Variants in ATP8A2 observed in about 807,000 individuals in gnomAD.
ATP8A2 encodes phospholipid-transporting ATPase IB.
A neutral mutation model predicts 165.6 loss-of-function variants in ATP8A2; 100 were observed. The observed-to-expected ratio is 0.60, with a 90% CI of 0.51 to 0.71. The LOEUF (loss-of-function observed/expected upper bound fraction) is 0.71, where lower values mean the gene tolerates loss of function less well. Among genes scored for constraint, ATP8A2 ranks in the 30% least tolerant of loss-of-function variants. The probability of loss-of-function intolerance (pLI) is 0.00; values close to 1 mark genes in which losing one functional copy is unlikely to be tolerated. For missense variants in ATP8A2, 1,227 were observed against 1,479.5 expected (o/e 0.83, Z 2.80); for synonymous variants, 543 against 548.8 (o/e 0.99, Z 0.15).
At chr13:25,651,296 A>G (rs566691607) in intron 24 of ATP8A2, among the ~76,000 whole-genome samples, 55 of 152,256 alleles carry the variant, frequency 3.6e-4, no homozygotes, top group African/African-American at 1.3e-3. Context: ...TACAAAAATT[A>G]GCTGGTCGTG....
intron 24 of ATP8A2, among the ~76,000 whole-genome samples, chr13:25,608,481 T>C (rs959896487): frequency 7.9e-6 from 1 of 126,932 alleles, no homozygotes; most frequent in Non-Finnish European, 1.8e-5. Context: ...AAATCTCAGC[T>C]ATACATTTAA....
chr13:25,556,608 CT>C (rs2038989594), intron 13 of ATP8A2, among the ~76,000 whole-genome samples: 1 of 152,098 alleles, frequency 6.6e-6, no homozygotes, highest in African/African-American at 2.4e-5. Flanking sequence ...TCCAGAAGCT[CT>C]TTAGTTTAAT....
At chr13:25,463,124 G>GTTTTTTTT (rs150498785) in intron 1 of ATP8A2, among the ~76,000 whole-genome samples, 1 of 127,580 alleles carries the variant, frequency 7.8e-6, no homozygotes, top group Non-Finnish European at 1.7e-5. Context: ...TCTTTCTGAA[G>GTTTTTTTT]TGTTTTTTTT....
rs2032779818 is a variant in ATP8A2, at chr13:25,379,979, G to T, written c.76+7691G>T. 1.3e-5 allele frequency among the ~76,000 whole-genome samples: 2 copies of T among 152,166 alleles called. 1 individual carries two copies. The highest frequency in any genetic ancestry group is 4.1e-4 in the South Asian group (2 of 4,822). ...TTTGGGCAAATTTTCTGGAAGGGAA[G>T]ACACCAGCGTGGGCAGGCAACTGAG... On this transcript the variant is annotated intron_variant, in intron 1 of 36. Transcript: ENST00000381655.
At chr13:25,784,852 G>T (rs1336722471) in intron 27 of ATP8A2, among the ~76,000 whole-genome samples, 2 of 151,816 alleles carry the variant, frequency 1.3e-5, no homozygotes, top group Non-Finnish European at 2.9e-5. Context: ...TGCAACCTCT[G>T]CCTCCTGGGT....
At chr13:25,714,095 G>T (rs981907004) in intron 25 of ATP8A2, among the ~76,000 whole-genome samples, 1 of 151,840 alleles carries the variant, frequency 6.6e-6, no homozygotes, top group Non-Finnish European at 1.5e-5. Flanking sequence ...TGTTCAAAAA[G>T]AAGCTGTATC....
In ATP8A2 at chr13:25,616,874, A is replaced by G. The variant is rs189522770; in HGVS notation, c.2211+27175A>G. Among the ~76,000 whole-genome samples the G allele has an allele frequency of 3.9e-4, 59 of 152,246 alleles. 1 individual carries two copies. The highest frequency in any genetic ancestry group is 1.4e-3 in the African/African-American group (57 of 41,540). On this transcript the variant is annotated intron_variant, in intron 24 of 36. Transcript: ENST00000381655. Reference sequence around the variant, plus strand: ...GACTGGTGCATGTGGCTCCCATTGAATATAATAACAGCCCTTTGACACGTG... The same window carrying G: ...GACTGGTGCATGTGGCTCCCATTGAGTATAATAACAGCCCTTTGACACGTG...
At chr13:25,853,396 A>AATATATATAT (rs1555278503) in intron 30 of ATP8A2, among the ~76,000 whole-genome samples, 34 of 107,848 alleles carry the variant, frequency 3.2e-4, no homozygotes, top group South Asian at 8.7e-4. Flanking sequence ...ATCTAAAAAA[A>AATATATATAT]ATATATATAT....
chr13:25,581,411 T>C (rs2039773956), intron 22 of ATP8A2, among the ~76,000 whole-genome samples: 1 of 152,226 alleles, frequency 6.6e-6, no homozygotes. Context: ...GGTCTCTTAC[T>C]CCTATTTTGC....
chr13:25,460,057 C>G (rs567689095), intron 1 of ATP8A2, among the ~76,000 whole-genome samples: 1 of 152,012 alleles, frequency 6.6e-6, no homozygotes, highest in Non-Finnish European at 1.5e-5. Context: ...AAAAATTAGC[C>G]GGGCATGATG....
intron 27 of ATP8A2, among the ~76,000 whole-genome samples, chr13:25,816,098 G>T (rs1951012184): frequency 6.6e-6 from 1 of 152,058 alleles, no homozygotes; most frequent in African/African-American, 2.4e-5. Context: ...ATGGTGATGG[G>T]TACACATCAA....
At chr13:25,579,563 A>G (rs928574658) in intron 21 of ATP8A2, among the ~76,000 whole-genome samples, 4 of 152,164 alleles carry the variant, frequency 2.6e-5, no homozygotes, top group South Asian at 2.1e-4. Flanking sequence ...CCTCTCTGCC[A>G]TGGAGAATTC....
chr13:25,643,486 T>G (rs778158466), intron 24 of ATP8A2, among the ~76,000 whole-genome samples: 1 of 152,138 alleles, frequency 6.6e-6, no homozygotes. Flanking sequence ...TTCATCCTTC[T>G]GTGTATGGAC....
chr13:25,657,720 GT>G (rs2041964532), intron 24 of ATP8A2, among the ~76,000 whole-genome samples: 1 of 152,202 alleles, frequency 6.6e-6, no homozygotes, highest in African/African-American at 2.4e-5. Context: ...GAATCTTTGG[GT>G]AAAATGAAGT....
intron 34 of ATP8A2, among the ~76,000 whole-genome samples, chr13:25,963,088 A>T (rs76810810): frequency 0.043 from 6,529 of 152,228 alleles, 423 homozygotes; most frequent in African/African-American, 0.14. Flanking sequence ...AATCTAATAG[A>T]TGTACCATAA....
chr13:25,742,721 G>A (rs578123201), intron 25 of ATP8A2, among the ~76,000 whole-genome samples: 60 of 114,264 alleles, frequency 5.3e-4, no homozygotes, highest in African/African-American at 1.8e-3. Flanking sequence ...TGGATCACTT[G>A]TTCTGAAGGA....
intron 25 of ATP8A2, among the ~76,000 whole-genome samples, chr13:25,738,755 CTT>C (rs1254595448): frequency 6.6e-6 from 1 of 152,236 alleles, no homozygotes; most frequent in East Asian, 1.9e-4. Context: ...GCTGACAACT[CTT>C]TGGATGTAAT....
intron 1 of ATP8A2, among the ~76,000 whole-genome samples, chr13:25,412,791 A>C (rs1240673285): frequency 6.6e-6 from 1 of 152,192 alleles, no homozygotes; most frequent in African/African-American, 2.4e-5. Flanking sequence ...GGTAGGACCT[A>C]CATGAGCATA....
intron 24 of ATP8A2, among the ~76,000 whole-genome samples, chr13:25,662,876 G>A (rs1394619118): frequency 6.6e-6 from 1 of 152,188 alleles, no homozygotes; most frequent in African/African-American, 2.4e-5. Context: ...ATATGCATGT[G>A]TTATGTCATT....
Sources: allele counts gnomAD v4.1 joint callset (sites outside exome capture counted in the v4.1 genomes callset), GRCh38; gene constraint gnomAD v4.1.1; transcripts MANE v1.5; gene names NCBI Gene and HGNC (gene_info 2026-07-23, HGNC 2026-07-21).